Variants in SETBP1 observed in about 807,000 individuals in gnomAD.
SETBP1 encodes the protein SET-binding protein.
Under a neutral mutation model 101.0 loss-of-function variants are expected in SETBP1, and 9 were observed. The observed-to-expected ratio is 0.09, with a 90% CI of 0.05 to 0.16. SETBP1 has a LOEUF of 0.16. SETBP1 is among the 10% of genes least tolerant of loss of function. The pLI is 1.00. For missense variants in SETBP1, 1,858 were observed against 2,033.8 expected, an observed-to-expected ratio of 0.91 and a Z score of 1.66; for synonymous variants, 818 against 788.5, an observed-to-expected ratio of 1.04 and a Z score of -0.63.
intron 2 of SETBP1, among the ~76,000 whole-genome samples, chr18:44,854,975 A>T (rs1193455991): frequency 6.6e-6 from 1 of 152,184 alleles, no homozygotes; most frequent in Non-Finnish European, 1.5e-5. Context: ...TATTCATGTC[A>T]GTAACTTTGC....
intron 2 of SETBP1, among the ~76,000 whole-genome samples, chr18:44,744,245 G>T (rs998258173): frequency 6.6e-6 from 1 of 152,234 alleles, no homozygotes; most frequent in African/African-American, 2.4e-5. Flanking sequence ...CCTAGGAAAG[G>T]AGAATACAAT....
chr18:44,761,907 C>T (rs2070658641), intron 2 of SETBP1, among the ~76,000 whole-genome samples: 1 of 152,196 alleles, frequency 6.6e-6, no homozygotes, highest in Non-Finnish European at 1.5e-5. Flanking sequence ...GGCCTGGACT[C>T]AGGCCTTCTG....
chr18:44,769,748 T>C (rs2070833608), intron 2 of SETBP1, among the ~76,000 whole-genome samples: 1 of 152,222 alleles, frequency 6.6e-6, no homozygotes, highest in Admixed American at 6.5e-5. Flanking sequence ...TAGAAGTTCA[T>C]GAAGTGCCAC....
At chr18:45,056,447 A>G (rs1399728519) in intron 5 of SETBP1, among the ~76,000 whole-genome samples, 2 of 152,222 alleles carry the variant, frequency 1.3e-5, no homozygotes, top group East Asian at 3.8e-4. Context: ...AGCGCAAGTA[A>G]GGGCATGGCT....
At chr18:44,865,922 A>G (rs2069118316) in intron 2 of SETBP1, among the ~76,000 whole-genome samples, 1 of 152,306 alleles carries the variant, frequency 6.6e-6, no homozygotes, top group South Asian at 2.1e-4. Flanking sequence ...AAATCTCCCA[A>G]ATAAAGGAAT....
At chr18:45,025,970 A>G (rs923888885) in intron 4 of SETBP1, among the ~76,000 whole-genome samples, 4 of 152,204 alleles carry the variant, frequency 2.6e-5, no homozygotes, top group South Asian at 2.1e-4. Flanking sequence ...TCTTTTTTCA[A>G]TGTGGCTTCT....
At chr18:44,699,324 G>T (rs1037387851) in intron 1 of SETBP1, among the ~76,000 whole-genome samples, 1 of 152,144 alleles carries the variant, frequency 6.6e-6, no homozygotes, top group Non-Finnish European at 1.5e-5. Context: ...GATTCTTACC[G>T]CTTGACAAAT....
intron 2 of SETBP1, among the ~76,000 whole-genome samples, chr18:44,738,773 C>CA (rs34390519): frequency 0.31 from 24,332 of 78,976 alleles, 2,798 homozygotes; most frequent in Non-Finnish European, 0.34. Context: ...GACTCCATCT[C>CA]AAAAAAAAAA....
chr18:44,741,007 A>T (rs1414043780), intron 2 of SETBP1, among the ~76,000 whole-genome samples: 1 of 152,260 alleles, frequency 6.6e-6, no homozygotes, highest in Non-Finnish European at 1.5e-5. Flanking sequence ...ATCATCAAAT[A>T]TAGAAACTAA....
In SETBP1 at chr18:44,701,487, G is replaced by T. The variant is rs146868426; in HGVS notation, c.141G>T (p.Gly47=). 2 of 1,613,908 alleles carry T rather than the reference G, an allele frequency of 1.2e-6. No individual in the cohort carries two copies. Among genetic ancestry groups the T allele is most frequent in the South Asian group, 1.1e-5 (1 of 91,072 alleles). ...TCTCCACTCCAGGACCTGGGAAGGGGATCCCGGTGGGCGGAGAGCGCATGG... is the reference window on the plus strand; with the variant it reads ...TCTCCACTCCAGGACCTGGGAAGGGTATCCCGGTGGGCGGAGAGCGCATGG... ...PLLSTPGPGK[G]IPVGGERMEP... Residue 47 remains glycine, a synonymous_variant, in exon 2 of 6, where the codon GGG becomes GGT. Transcript: ENST00000649279.
At chr18:44,735,879 C>A (rs1374182683) in intron 2 of SETBP1, among the ~76,000 whole-genome samples, 4 of 152,152 alleles carry the variant, frequency 2.6e-5, no homozygotes, top group Non-Finnish European at 5.9e-5. Flanking sequence ...CTGGTGAGTC[C>A]TTTTTCATAA....
Position 45,063,123 on chromosome 18 carries a change from G to A in SETBP1, c.4216G>A (p.Ala1406Thr). 1 of 1,613,996 alleles carries A rather than the reference G, an allele frequency of 6.2e-7. No homozygotes were observed. Among genetic ancestry groups the A allele is most frequent in the Non-Finnish European group, 8.5e-7 (1 of 1,180,008 alleles). Residue 1406 changes from alanine to threonine, a missense_variant, in exon 6 of 6, where the codon GCC becomes ACC. By Grantham distance (58) the Ala-to-Thr change is moderately conservative (BLOSUM62 0). Coordinates refer to ENST00000649279, the MANE Select transcript of SETBP1 (RefSeq NM_015559.3). ...KKRFKRREIE[A>T]IQCEVRKMCN... is the part of the protein sequence containing the mutation. ...GAGGTTCAAGCGGCGGGAGATCGAA[G>A]CCATCCAGTGCGAAGTGCGGAAGAT...
At chr18:44,726,530 T>C (rs1285218803) in intron 2 of SETBP1, among the ~76,000 whole-genome samples, 1 of 152,138 alleles carries the variant, frequency 6.6e-6, no homozygotes, top group African/African-American at 2.4e-5. Context: ...AGAGAGTATA[T>C]AAAAGAGGTA....
intron 4 of SETBP1, among the ~76,000 whole-genome samples, chr18:44,967,338 G>A (rs2071742860): frequency 6.6e-6 from 1 of 152,238 alleles, no homozygotes; most frequent in African/African-American, 2.4e-5. Context: ...CGGCAAGAAT[G>A]TGTATGACTA....
intron 4 of SETBP1, among the ~76,000 whole-genome samples, chr18:45,009,283 T>C (rs1599442572): frequency 6.6e-6 from 1 of 151,388 alleles, no homozygotes; most frequent in South Asian, 2.1e-4. Flanking sequence ...GGCAACGCAG[T>C]GTACGCCAGG....
At chr18:45,045,994 C>T (rs1192446650) in intron 5 of SETBP1, among the ~76,000 whole-genome samples, 3 of 152,044 alleles carry the variant, frequency 2.0e-5, no homozygotes, top group Admixed American at 2.0e-4. Flanking sequence ...AACAAGCCTT[C>T]CCTGACACTC....
At chr18:44,954,354 A>AAAAAC (rs869238630) in intron 4 of SETBP1, among the ~76,000 whole-genome samples, 1 of 131,340 alleles carries the variant, frequency 7.6e-6, no homozygotes, top group African/African-American at 2.8e-5. Flanking sequence ...AAAAAAAAAA[A>AAAAAC]CAGTTCTTGT....
chr18:44,957,550 T>C (rs1022788696), intron 4 of SETBP1, among the ~76,000 whole-genome samples: 3 of 152,150 alleles, frequency 2.0e-5, no homozygotes, highest in African/African-American at 7.2e-5. Context: ...AATTCTGCCA[T>C]GTAGGTAGCT....
At chr18:44,894,078 T>G (rs1314847146) in intron 3 of SETBP1, among the ~76,000 whole-genome samples, 1 of 152,112 alleles carries the variant, frequency 6.6e-6, no homozygotes. Flanking sequence ...TGAAAAGAGA[T>G]GACTGAGGGC....
Sources: gnomAD v4.1 joint callset for allele counts (sites outside exome capture counted in the v4.1 genomes callset) on GRCh38, gnomAD v4.1.1 for gene constraint, MANE v1.5 for transcripts, NCBI Gene and HGNC (gene_info 2026-07-23, HGNC 2026-07-21) for gene names.